The following ABCA12 variants were observed in gnomAD, a reference collection of about 807,000 sequenced individuals.
ABCA12 encodes the protein ATP binding cassette subfamily A member 12, also known as glucosylceramide transporter ABCA12.
A neutral mutation model predicts 293.5 loss-of-function variants in ABCA12; 156 were observed. That is an observed-to-expected ratio of 0.53 (90% CI 0.47 to 0.61). The LOEUF is 0.61. Among genes scored for constraint, ABCA12 ranks in the 20% least tolerant of loss-of-function variants. The probability of loss-of-function intolerance (pLI) is 0.00; values close to 1 mark genes in which losing one functional copy is unlikely to be tolerated. For synonymous variants in ABCA12, 1,063 were observed against 1,108.0 expected (o/e 0.96, Z 0.81); for missense variants, 2,797 against 3,090.2 (o/e 0.91, Z 2.25).
chr2:215,119,394 A>T (rs995495010), intron 1 of ABCA12, among the ~76,000 whole-genome samples: 1 of 152,170 alleles, frequency 6.6e-6, no homozygotes, highest in Non-Finnish European at 1.5e-5. Flanking sequence ...CAATGTTGAG[A>T]AGGGTACTTC....
At chr2:214,938,158 A>G (rs1574921000) in intron 50 of ABCA12, among the ~76,000 whole-genome samples, 1 of 131,314 alleles carries the variant, frequency 7.6e-6, no homozygotes, top group African/African-American at 2.9e-5. Flanking sequence ...CCCTGTGTCC[A>G]TGTATTCTCA....
At position 215,012,063 on chromosome 2, in the gene ABCA12, G is replaced by T. The variant is rs1441753767; in HGVS notation, c.2029C>A (p.Leu677Ile). The change falls in exon 16 of 53, where the codon CTC becomes ATC. Residue 677 changes from leucine (L) to isoleucine (I), a missense_variant. Coordinates refer to ENST00000272895, the MANE Select transcript of ABCA12 (RefSeq NM_173076.3). ...TGTGTGCCAGAAGCCATCTGATTGA[G>T]AATCTCTTTTAGTCTTATGAAGAGC... ...MELFIRLKEILNQMASGTHPL... is the reference protein window; with the variant it reads ...MELFIRLKEIINQMASGTHPL... The T allele has an allele frequency of 6.2e-7, 1 of 1,613,886 alleles. No individual in the cohort carries two copies. The highest frequency in any genetic ancestry group is 1.7e-5 in the Admixed American group (1 of 60,004).
Position 215,019,279 on chromosome 2 carries a change from C to G in ABCA12, c.1657+57G>C, listed in dbSNP as rs188136072. 1.8e-5 allele frequency: 27 copies of G among 1,488,488 alleles called. No homozygotes were observed. In the Admixed American group the frequency reaches 2.3e-4, roughly 13 times the overall value. 92.2% of individuals were successfully genotyped at this position (1,488,488 alleles called of 1,614,324 possible). ...TCAAAAAAGCTTTCTTAAACTGCAGCGTGAGAATCACATGCATTCTAATAA... is the reference window on the plus strand; with the variant it reads ...TCAAAAAAGCTTTCTTAAACTGCAGGGTGAGAATCACATGCATTCTAATAA... On this transcript the variant is annotated intron_variant, in intron 13 of 52. Transcript: ENST00000272895.
chr2:214,989,187 C>CATATGTATATATATATATATAT (rs1699855100), intron 26 of ABCA12, 142 bp downstream of exon 26: 1 of 28,016 alleles, frequency 3.6e-5, no homozygotes, highest in Non-Finnish European at 1.2e-4. Context: ...TCAATACATA[C>CATATGTATATATATATATATAT]ATATATATAT....
intron 4 of ABCA12, among the ~76,000 whole-genome samples, chr2:215,053,207 G>A (rs1701354512): frequency 6.6e-6 from 1 of 152,050 alleles, no homozygotes; most frequent in African/African-American, 2.4e-5. Context: ...AGTTTTCTGG[G>A]TTTGGAGCAT....
At chr2:215,016,345 A>G (rs1423711014) in intron 14 of ABCA12, among the ~76,000 whole-genome samples, 1 of 151,434 alleles carries the variant, frequency 6.6e-6, no homozygotes, top group African/African-American at 2.4e-5. Flanking sequence ...GCACTTTGGG[A>G]GGCCGAGGCA....
chr2:214,964,843 C>T (rs1206524604), intron 39 of ABCA12, among the ~76,000 whole-genome samples: 1 of 152,122 alleles, frequency 6.6e-6, no homozygotes, highest in Non-Finnish European at 1.5e-5. Flanking sequence ...CATTAAACTA[C>T]CATTGACATT....
chr2:215,032,755 C>T (rs535103813), intron 8 of ABCA12, among the ~76,000 whole-genome samples: 1 of 152,292 alleles, frequency 6.6e-6, no homozygotes, highest in African/African-American at 2.4e-5. Context: ...TCTACTCATT[C>T]CTTATAAATA....
chr2:215,000,541 T>C (rs1700122225), intron 22 of ABCA12, among the ~76,000 whole-genome samples, 164 bp downstream of exon 22: 1 of 152,222 alleles, frequency 6.6e-6, no homozygotes, highest in Admixed American at 6.5e-5. Context: ...TGAGCAGTTA[T>C]GATGAAGCTA....
intron 2 of ABCA12, among the ~76,000 whole-genome samples, chr2:215,109,965 C>T (rs776007467): frequency 2.6e-4 from 40 of 152,052 alleles, no homozygotes; most frequent in Non-Finnish European, 4.6e-4. Flanking sequence ...AGTATTTGTC[C>T]TACTTATATG....
At chr2:215,056,562 C>T (rs577654018) in intron 3 of ABCA12, among the ~76,000 whole-genome samples, 4 of 152,096 alleles carry the variant, frequency 2.6e-5, no homozygotes, top group Admixed American at 2.6e-4. Flanking sequence ...TGTGTGCTTT[C>T]CTCTTCCCCT....
chr2:215,134,911 G>C (rs1575066837), intron 1 of ABCA12, among the ~76,000 whole-genome samples: 2 of 151,806 alleles, frequency 1.3e-5, no homozygotes, highest in South Asian at 4.2e-4. Context: ...GCCTCTCAAA[G>C]GATTATAGGC....
Position 214,989,691 on chromosome 2 carries a change from A to C in ABCA12, c.3625-70T>G, listed in dbSNP as rs1377263112. On this transcript the variant is annotated intron_variant, in intron 24 of 52. Transcript: ENST00000272895. ...GTATTTCACCCAGAGGTATCCTAAAATACTTAAAACTTTGGACATTTGTAT... is the reference window on the plus strand; with the variant it reads ...GTATTTCACCCAGAGGTATCCTAAACTACTTAAAACTTTGGACATTTGTAT... 1.7e-5 allele frequency: 26 copies of C among 1,542,422 alleles called. No individual in the cohort carries two copies. In the East Asian group the frequency reaches 6.1e-4, roughly 36 times the overall value.
At chr2:214,951,800 C>T (rs1243362175) in intron 44 of ABCA12, among the ~76,000 whole-genome samples, 1 of 151,754 alleles carries the variant, frequency 6.6e-6, no homozygotes, top group Non-Finnish European at 1.5e-5. Flanking sequence ...AGCCTCTCTT[C>T]TTTTTAATTT....
chr2:215,050,337 T>G (rs1015202682), intron 5 of ABCA12, among the ~76,000 whole-genome samples: 1 of 151,754 alleles, frequency 6.6e-6, no homozygotes, highest in Non-Finnish European at 1.5e-5. Context: ...CATCTAAGTC[T>G]TATATATAGA....
chr2:215,078,196 G>A (rs1001397664), intron 2 of ABCA12, among the ~76,000 whole-genome samples: 9 of 152,156 alleles, frequency 5.9e-5, no homozygotes, highest in African/African-American at 1.9e-4. Flanking sequence ...AAATGATACC[G>A]CTTTATTAGT....
chr2:214,993,737 C>T (rs936728337), intron 23 of ABCA12, among the ~76,000 whole-genome samples: 1 of 152,216 alleles, frequency 6.6e-6, no homozygotes, highest in Admixed American at 6.5e-5. Flanking sequence ...ATATCTAGAC[C>T]ATATCAAGGC....
chr2:214,947,823 A>G, intron 47 of ABCA12: 1 of 444,878 alleles, frequency 2.2e-6, no homozygotes, highest in Non-Finnish European at 4.1e-6. Context: ...TTACAATTGC[A>G]GATTGAACTT....
intron 1 of ABCA12, among the ~76,000 whole-genome samples, chr2:215,115,632 C>T (rs1304996629): frequency 6.6e-6 from 1 of 152,216 alleles, no homozygotes; most frequent in Non-Finnish European, 1.5e-5. Context: ...TATGTGCACA[C>T]TAAATAGTTT....
Sources: allele counts gnomAD v4.1 joint callset (sites outside exome capture counted in the v4.1 genomes callset), GRCh38; gene constraint gnomAD v4.1.1; transcripts MANE v1.5; gene names NCBI Gene and HGNC (gene_info 2026-07-23, HGNC 2026-07-21).